The following PLB1 variants were observed in gnomAD, a reference collection of about 807,000 sequenced individuals.
PLB1 encodes phospholipase B1.
Under a neutral mutation model 227.4 loss-of-function variants are expected in PLB1, and 242 were observed. That is an observed-to-expected ratio of 1.06 (90% CI 0.96 to 1.18). The LOEUF is 1.18. Ranked by LOEUF, PLB1 falls within the 50% of genes most tolerant of loss-of-function variation. The probability of loss-of-function intolerance (pLI) is 0.00; values close to 1 mark genes in which losing one functional copy is unlikely to be tolerated. For missense variants in PLB1, 1,858 were observed against 1,816.3 expected (o/e 1.02, Z -0.42); for synonymous variants, 757 against 682.2 (o/e 1.11, Z -1.71).
chr2:28,630,741 C>T (rs1688503190), intron 54 of PLB1, 77 bp downstream of exon 54: 1 of 1,259,648 alleles, frequency 7.9e-7, no homozygotes, highest in South Asian at 1.4e-5. Flanking sequence ...ATCGAATGCC[C>T]AGCAGGATGT....
Position 28,633,027 on chromosome 2 carries a change from CTG to C in PLB1, c.4087_4088del (p.Trp1363GlufsTer29), listed in dbSNP as rs1558968611. The C allele has an allele frequency of 1.2e-6, 2 of 1,613,878 alleles. No individual in the cohort carries two copies. Among genetic ancestry groups the C allele is most frequent in the African/African-American group, 2.7e-5 (2 of 74,930 alleles). On this transcript the variant is annotated frameshift_variant, in exon 56 of 58. Transcript: ENST00000327757. LOFTEE classifies it high-confidence loss of function. ...GGCATGCCGAGATGGCCATCGCACT[CTG>C]GAACAACATGGTGAGCAGCCAAGGG... ...RGHAEMAIALWNNMLEPVGRK... is the reference protein window; with the variant it reads ...RGHAEMAIALXNNMLEPVGRK...
chr2:28,619,519 G>GGTTTTTTTTTTTT (rs1553459984), intron 46 of PLB1, among the ~76,000 whole-genome samples: 1 of 124,610 alleles, frequency 8.0e-6, no homozygotes, highest in Non-Finnish European at 1.7e-5. Context: ...AAATTTCAAG[G>GGTTTTTTTTTTTT]TTTTGTTTTT....
At position 28,538,318 on chromosome 2, in the gene PLB1, G is replaced by GAA. The variant is rs775788117; in HGVS notation, c.556_557dup (p.Asn186LysfsTer12). On this transcript the variant is annotated frameshift_variant and splice_region_variant. Coordinates refer to ENST00000327757, the MANE Select transcript of PLB1 (RefSeq NM_153021.5). LOFTEE classifies it high-confidence loss of function. ...CACTTAGCACGGTTCTCCTCTCACAGAATGGGCTTGCGGCGGGCGGCGTGG... is the reference window on the plus strand; with the variant it reads ...CACTTAGCACGGTTCTCCTCTCACAGAAAATGGGCTTGCGGCGGGCGGCGTGG... 7 of 1,614,124 alleles carry GAA rather than the reference G, an allele frequency of 4.3e-6. No homozygotes were observed. In the Admixed American group the frequency reaches 8.3e-5, roughly 19 times the overall value.
At chr2:28,560,292 T>A (rs1049774044) in intron 17 of PLB1, among the ~76,000 whole-genome samples, 1 of 151,904 alleles carries the variant, frequency 6.6e-6, no homozygotes, top group African/African-American at 2.4e-5. Flanking sequence ...AGGGTGACCT[T>A]GGGGGTGAGG....
At chr2:28,569,978 AAG>A (rs1553432729) in intron 20 of PLB1, among the ~76,000 whole-genome samples, 15 of 114,708 alleles carry the variant, frequency 1.3e-4, no homozygotes, top group Non-Finnish European at 2.6e-4. Context: ...AAAAAAAAAA[AAG>A]AAAGAAAAAA....
In PLB1 at chr2:28,592,696, G is replaced by A. The variant is rs1682172327; in HGVS notation, c.2224G>A (p.Ala742Thr). 2 of 1,614,100 alleles carry A rather than the reference G, an allele frequency of 1.2e-6. No individual in the cohort carries two copies. Among genetic ancestry groups the A allele is most frequent in the Non-Finnish European group, 1.7e-6 (2 of 1,180,000 alleles). ...GAGACCTGCAGACATCCAAGTTGTG[G>A]CTGCTCTGGGGGATTCTCTGACCGT... ...ALRPADIQVV[A>T]ALGDSLTAGN... is the part of the protein sequence containing the mutation. The change falls in exon 32 of 58, where the codon GCT becomes ACT. Residue 742 changes from alanine to threonine, a missense_variant. Physicochemically the swap from Ala to Thr is moderately conservative, Grantham distance 58 (BLOSUM62 0). Transcript: ENST00000327757.
chr2:28,617,852 C>G (rs933762597), intron 45 of PLB1, 65 bp downstream of exon 45: 1 of 1,473,562 alleles, frequency 6.8e-7, no homozygotes, highest in Non-Finnish European at 9.5e-7. Flanking sequence ...TGTGGGGAGA[C>G]CCTGCAAACA....
At position 28,549,434 on chromosome 2, in the gene PLB1, T is replaced by TTTTTTTTG. The variant is rs60408643; in HGVS notation, c.1008+503_1008+504insTTTTTTTG. On this transcript the variant is annotated intron_variant, in intron 15 of 57. Transcript: ENST00000327757. ...TTTCTTTTTTTTTTTTTTTTTTTTT[T>TTTTTTTTG]GAGACGGAGTCTCGCCCTGTTGCCA... is the stretch of plus-strand genomic sequence containing the variant. 2.7e-5 allele frequency among the ~76,000 whole-genome samples: 4 copies of TTTTTTTTG among 146,150 alleles called. 1 individual carries two copies. The Admixed American group carries it at 2.7e-4, about 10-fold the overall frequency.
chr2:28,605,724 T>C (rs985805009), intron 41 of PLB1, 129 bp from the exon 42 acceptor site: 4 of 695,842 alleles, frequency 5.7e-6, no homozygotes, highest in Non-Finnish European at 1.0e-5. Flanking sequence ...ATGGGCCCTG[T>C]GGTGGCTGGT....
chr2:28,499,327 AAT>A (rs1022644019), intron 1 of PLB1, among the ~76,000 whole-genome samples: 2 of 152,106 alleles, frequency 1.3e-5, no homozygotes, highest in Admixed American at 1.3e-4. Flanking sequence ...TAAAAAATAA[AAT>A]AGAGAATCCA....
chr2:28,611,943 A>T (rs780203633), intron 43 of PLB1, among the ~76,000 whole-genome samples: 2 of 152,036 alleles, frequency 1.3e-5, no homozygotes, highest in Admixed American at 6.6e-5. Context: ...GATCGAGACC[A>T]TCCTGGCTAA....
chr2:28,500,250 T>C (rs1246022569), intron 1 of PLB1, among the ~76,000 whole-genome samples: 1 of 152,256 alleles, frequency 6.6e-6, no homozygotes, highest in East Asian at 1.9e-4. Context: ...TTGTTTCTTT[T>C]GTGTCAGTGA....
chr2:28,571,140 C>G (rs2204672), intron 20 of PLB1, among the ~76,000 whole-genome samples: 1 of 151,938 alleles, frequency 6.6e-6, no homozygotes, highest in Non-Finnish European at 1.5e-5. Context: ...TTGCAAGGTA[C>G]AAATCAATAT....
At chr2:28,609,613 C>A (rs1455023279) in intron 43 of PLB1, among the ~76,000 whole-genome samples, 1 of 152,136 alleles carries the variant, frequency 6.6e-6, no homozygotes, top group East Asian at 1.9e-4. Context: ...GCTTCTAAAT[C>A]CAATCCTGCC....
chr2:28,543,105 G>A, intron 13 of PLB1, 107 bp from the exon 14 acceptor site: 1 of 1,233,370 alleles, frequency 8.1e-7, no homozygotes, highest in Non-Finnish European at 1.1e-6. Context: ...GGCCTGGACA[G>A]ATCAGGCTGC....
chr2:28,552,825 A>G (rs939251003), intron 16 of PLB1, 103 bp from the exon 17 acceptor site: 2 of 904,198 alleles, frequency 2.2e-6, no homozygotes, highest in Non-Finnish European at 3.7e-6. Flanking sequence ...TCAAAGTTTT[A>G]CTTTATCTTA....
At chr2:28,562,516 T>A (rs1676204877) in intron 17 of PLB1, among the ~76,000 whole-genome samples, 1 of 87,634 alleles carries the variant, frequency 1.1e-5, no homozygotes, top group Non-Finnish European at 2.1e-5. Flanking sequence ...CACTCCAGCC[T>A]GGAGACAGAG....
chr2:28,618,287 T>C (rs1686474079), intron 45 of PLB1, 54 bp from the exon 46 acceptor site: 4 of 1,472,062 alleles, frequency 2.7e-6, no homozygotes, highest in Non-Finnish European at 3.8e-6. Flanking sequence ...ATGTGTACTT[T>C]AAGAGGTAGA....
At chr2:28,545,005 A>G (rs750359242) in intron 14 of PLB1, among the ~76,000 whole-genome samples, 1 of 152,104 alleles carries the variant, frequency 6.6e-6, no homozygotes. Context: ...AGCAATAATA[A>G]CCACCTTTAC....
Sources: gnomAD v4.1 joint callset for allele counts (sites outside exome capture counted in the v4.1 genomes callset) on GRCh38, gnomAD v4.1.1 for gene constraint, MANE v1.5 for transcripts, NCBI Gene and HGNC (gene_info 2026-07-23, HGNC 2026-07-21) for gene names.